DOC2A: variants seen among roughly 807,000 people sequenced by gnomAD.
DOC2A encodes double C2 domain alpha.
DOC2A carries 28 observed loss-of-function variants against 40.6 expected under a neutral mutation model. The ratio of observed to expected loss-of-function variants is 0.69; its 90% CI spans 0.51 to 0.95. The LOEUF (loss-of-function observed/expected upper bound fraction) is 0.95. Ranked by LOEUF, DOC2A falls within the 40% of genes least tolerant of loss-of-function variation. The probability of loss-of-function intolerance (pLI) is 0.00; values close to 1 mark genes in which losing one functional copy is unlikely to be tolerated. For missense variants in DOC2A, 474 were observed against 552.5 expected (o/e 0.86, Z 1.42); for synonymous variants, 241 against 236.9 (o/e 1.02, Z -0.16).
chr16:30,006,304 C>T lies in DOC2A; in HGVS notation c.1085G>A (p.Arg362Gln), dbSNP rs145044673. ...ACTCCAGTGCTTCCGAGCCTCGCCT[C>T]GGGCACCTGGCCCCAGGGACACGCC... ...IGGVSLGPGA[R>Q]GEARKHWSDC... Residue 362 changes from arginine (R) to glutamine (Q), a missense_variant, in exon 11 of 11, where the codon CGA becomes CAA. Coordinates refer to ENST00000350119, the MANE Select transcript of DOC2A (RefSeq NM_003586.3). The surrounding 1 kb of genome is among the most constrained non-coding windows in gnomAD (Gnocchi z 6.2). 1.6e-5 allele frequency: 25 copies of T among 1,611,184 alleles called. No individual in the cohort carries two copies. Among genetic ancestry groups the T allele is most frequent in the East Asian group, 1.3e-4 (6 of 44,818 alleles).
At chr16:30,011,465 G>T, upstream of DOC2A, 6 of 967,736 alleles carry the variant, frequency 6.2e-6, no homozygotes, top group Non-Finnish European at 7.4e-6. Context: ...CGCGCGCGCG[G>T]CCACGGCGCC....
rs200593523 is a variant in DOC2A, at chr16:30,006,872, C to T, written c.791G>A (p.Arg264Gln). 2.9e-5 allele frequency: 47 copies of T among 1,613,448 alleles called. No individual in the cohort carries two copies. The highest frequency in any genetic ancestry group is 3.7e-5 in the Non-Finnish European group (44 of 1,179,764). Residue 264 changes from arginine to glutamine, a missense_variant, in exon 8 of 11, where the codon CGG (arginine) becomes CAG (glutamine). Physicochemically the swap from Arg to Gln is conservative, Grantham distance 43. Coordinates refer to ENST00000350119, the MANE Select transcript of DOC2A (RefSeq NM_003586.3). This position sits in a 1 kb window ranked among gnomAD's most constrained non-coding sequence, Gnocchi z 6.2. The part of the protein sequence containing the change: ...RILLSLSYSS[R>Q]RRGLLVGILR... ...GATGCCTACCAGCAGTCCCCGGCGC[C>T]GCGAGCTGTAGCTGAGACTCAGCAG...
chr16:30,018,952 A>G (rs2070883708), intron 1 of DOC2A: 1 of 152,278 alleles, frequency 6.6e-6, no homozygotes, highest in African/African-American at 2.4e-5. Context: ...GATTTGGCAG[A>G]TTATGAGCTC....
Position 30,006,043 on chromosome 16 carries a change from G to T in DOC2A, c.*143C>A. On this transcript the variant is annotated 3_prime_UTR_variant, in exon 11 of 11. Transcript: ENST00000350119. This position sits in a 1 kb window ranked among gnomAD's most constrained non-coding sequence, Gnocchi z 6.2. ...AGAACTCCGCAGCCCCTCATGAGCA[G>T]ACAGACCCGGGTCACGGAGACTCAC... 2.1e-6 allele frequency: 2 copies of T among 953,086 alleles called. No individual in the cohort carries two copies. The highest frequency in any genetic ancestry group is 3.0e-6 in the Non-Finnish European group (2 of 657,330). 59.0% of individuals were successfully genotyped at this position (953,086 alleles called of 1,614,324 possible).
At chr16:30,013,842 G>A (rs945091776), upstream of DOC2A, among the ~76,000 whole-genome samples, 2 of 151,806 alleles carry the variant, frequency 1.3e-5, no homozygotes, top group Non-Finnish European at 2.9e-5. Context: ...AGCCTCCCAA[G>A]TAGCTGGGAT....
At chr16:30,022,984 C>A, upstream of DOC2A, 1 of 187,170 alleles carries the variant, frequency 5.3e-6, no homozygotes. Flanking sequence ...ATAAATAAAA[C>A]AAATGTTACC....
chr16:30,011,879 T>C (rs1013746516), upstream of DOC2A, among the ~76,000 whole-genome samples: 17 of 152,198 alleles, frequency 1.1e-4, no homozygotes, highest in Admixed American at 7.8e-4. Context: ...TCCCCAGTTC[T>C]GCCCCGCAGG....
chr16:30,015,304 CTTTG>C (rs527245054), upstream of DOC2A: 945 of 152,158 alleles, frequency 6.2e-3, 8 homozygotes, highest in African/African-American at 0.019. Context: ...TTTGGTATTT[CTTTG>C]TTTGTTTGTT....
At chr16:30,012,552 T>C (rs2070800496), upstream of DOC2A, 1 of 152,132 alleles carries the variant, frequency 6.6e-6, no homozygotes, top group South Asian at 2.1e-4. Flanking sequence ...CAATTTTTTT[T>C]TTTTTAAATA....
chr16:30,010,964 G>GAGAGAGCTCT lies in DOC2A; in HGVS notation c.-76_-75insAGAGCTCTCT, dbSNP rs2070762115. ...GGCGGGCGCAGGCTGGGCGGCGGCGGCCGGCGAGGAGAGCGCGGAGTCGAG... is the reference window on the plus strand; with the variant it reads ...GGCGGGCGCAGGCTGGGCGGCGGCGGAGAGAGCTCTCCGGCGAGGAGAGCGCGGAGTCGAG... On this transcript the variant is annotated 5_prime_UTR_variant, in exon 1 of 11. Coordinates refer to ENST00000350119, the MANE Select transcript of DOC2A (RefSeq NM_003586.3). This position sits in a 1 kb window ranked among gnomAD's most constrained non-coding sequence, Gnocchi z 4.2. 11 of 1,011,712 alleles carry GAGAGAGCTCT rather than the reference G, an allele frequency of 1.1e-5. No individual in the cohort carries two copies. In the South Asian group the frequency reaches 3.2e-4, roughly 29 times the overall value. 62.7% of individuals were successfully genotyped at this position (1,011,712 alleles called of 1,614,324 possible).
At chr16:30,019,855 T>A (rs1029019897) in intron 1 of DOC2A, among the ~76,000 whole-genome samples, 1 of 151,682 alleles carries the variant, frequency 6.6e-6, no homozygotes, top group African/African-American at 2.4e-5. Flanking sequence ...CTGCCTCAGA[T>A]TCCTGAGTAG....
intron 1 of DOC2A, among the ~76,000 whole-genome samples, chr16:30,018,476 G>A (rs938294177): frequency 6.6e-6 from 1 of 152,020 alleles, no homozygotes; most frequent in Non-Finnish European, 1.5e-5. Context: ...ATGAGCCCCC[G>A]AACCTGGCCT....
rs2070557273 is a variant in DOC2A, at chr16:30,005,712, A to G, written c.*474T>C. 17 of 525,924 alleles carry G rather than the reference A, an allele frequency of 3.2e-5. No individual in the cohort carries two copies. In the South Asian group the frequency reaches 3.9e-4, roughly 12 times the overall value. The allele number at this position is 525,924 out of a possible 1,614,324, so 32.6% of individuals were successfully genotyped here. The stretch of plus-strand genomic sequence containing the variant: ...CTGCTGGGGAGGCAGAGACCCTGCA[A>G]TGGCCACCTCTTTAAAAGGGCAGCT... On this transcript the variant is annotated 3_prime_UTR_variant, in exon 11 of 11. Transcript: ENST00000350119.
chr16:30,019,873 T>A (rs2070892520), intron 1 of DOC2A, among the ~76,000 whole-genome samples: 1 of 152,114 alleles, frequency 6.6e-6, no homozygotes, highest in African/African-American at 2.4e-5. Context: ...TAGCTGGGAC[T>A]ATAGGCACGT....
Position 30,006,217 on chromosome 16 carries a change from G to A in DOC2A, c.1172C>T (p.Pro391Leu). The A allele has an allele frequency of 6.3e-7, 1 of 1,589,256 alleles. No homozygotes were observed. The highest frequency in any genetic ancestry group is 1.1e-5 in the South Asian group (1 of 88,260). The change falls in exon 11 of 11, where the codon CCC (proline) becomes CTC (leucine). Residue 391 changes from proline (P) to leucine (L), a missense_variant. By Grantham distance (98) the Pro-to-Leu change is moderately conservative. Transcript: ENST00000350119. This position sits in a 1 kb window ranked among gnomAD's most constrained non-coding sequence, Gnocchi z 6.2. ...ERWHTLTSELPPAAGALSSA is the reference protein window; with the variant it reads ...ERWHTLTSELLPAAGALSSA ...TGAGGACAGAGCCCCGGCCGCAGGGGGCAGCTCACTGGTCAGGGTGTGCCA... is the reference window on the plus strand; with the variant it reads ...TGAGGACAGAGCCCCGGCCGCAGGGAGCAGCTCACTGGTCAGGGTGTGCCA...
At chr16:30,008,969 C>T in intron 5 of DOC2A, 27 bp downstream of exon 5, 1 of 1,491,912 alleles carries the variant, frequency 6.7e-7, no homozygotes, top group Non-Finnish European at 9.4e-7. Flanking sequence ...CGAGCTGCTG[C>T]TGGGTGGTGG....
chr16:30,012,285 C>T (rs1394247870), upstream of DOC2A: 1 of 152,228 alleles, frequency 6.6e-6, no homozygotes, highest in Non-Finnish European at 1.5e-5. Flanking sequence ...CACTGCCCCT[C>T]AGCTCCAGCG....
At position 30,006,293 on chromosome 16, in the gene DOC2A, G is replaced by A. The variant is rs745345298; in HGVS notation, c.1096C>T (p.Arg366Trp). ...TGCAGGCAGTCACTCCAGTGCTTCCGAGCCTCGCCTCGGGCACCTGGCCCC... is the reference window on the plus strand; with the variant it reads ...TGCAGGCAGTCACTCCAGTGCTTCCAAGCCTCGCCTCGGGCACCTGGCCCC... Reference protein sequence around the residue: ...SLGPGARGEARKHWSDCLQQP... With the variant: ...SLGPGARGEAWKHWSDCLQQP... Residue 366 changes from arginine (R) to tryptophan (W), a missense_variant, in exon 11 of 11, where the codon CGG (arginine) becomes TGG (tryptophan). By Grantham distance (101) the Arg-to-Trp change is moderately radical. Coordinates refer to ENST00000350119, the MANE Select transcript of DOC2A (RefSeq NM_003586.3). This position sits in a 1 kb window ranked among gnomAD's most constrained non-coding sequence, Gnocchi z 6.2. 2.9e-5 allele frequency: 47 copies of A among 1,610,268 alleles called. No homozygotes were observed. The Middle Eastern group carries it at 5.0e-4, about 17-fold the overall frequency.
At chr16:30,023,223 G>T, upstream of DOC2A, 1 of 840,742 alleles carries the variant, frequency 1.2e-6, no homozygotes, top group South Asian at 1.5e-5. Context: ...CTCTTCTGAT[G>T]AGAGTGAGGG....
Sources: gnomAD v4.1 joint callset for allele counts (sites outside exome capture counted in the v4.1 genomes callset) on GRCh38, gnomAD v4.1.1 for gene constraint, Gnocchi (gnomAD v3.1) non-coding constraint, MANE v1.5 for transcripts, NCBI Gene and HGNC (gene_info 2026-07-23, HGNC 2026-07-21) for gene names.